NEIL3: variants seen among roughly 807,000 people sequenced by gnomAD.
The protein encoded by NEIL3 is endonuclease 8-like 3.
Under a neutral mutation model 57.5 loss-of-function variants are expected in NEIL3, and 48 were observed. The observed-to-expected ratio is 0.83, with a 90% CI of 0.66 to 1.06. The LOEUF (loss-of-function observed/expected upper bound fraction) is 1.06. Among genes scored for constraint, NEIL3 ranks in the 50% least tolerant of loss-of-function variants. NEIL3 has a pLI of 0.00. For missense variants in NEIL3, 717 were observed against 739.1 expected, an observed-to-expected ratio of 0.97 and a Z score of 0.35; for synonymous variants, 261 against 253.2, an observed-to-expected ratio of 1.03 and a Z score of -0.29.
At position 177,338,857 on chromosome 4, in the gene NEIL3, A is replaced by ATT. The variant is rs34647259; in HGVS notation, c.628-916_628-915dup. 9.0e-3 allele frequency among the ~76,000 whole-genome samples: 1,341 copies of ATT among 148,398 alleles called. 21 individuals are homozygous for ATT. Among genetic ancestry groups the ATT allele is most frequent in the African/African-American group, 0.031 (1,271 of 40,612 alleles). ...TTTCTGTTTTATATTGTTCTTGGTA[A>ATT]TTTTTTTTTTTGAGTCCAGCAAGAC... is the stretch of plus-strand genomic sequence containing the variant. On this transcript the variant is annotated intron_variant, in intron 4 of 9. Transcript: ENST00000264596.
chr4:177,357,767 C>A (rs7682807), intron 8 of NEIL3, among the ~76,000 whole-genome samples: 2 of 151,888 alleles, frequency 1.3e-5, no homozygotes, highest in African/African-American at 4.8e-5. Context: ...TTTGTGATAA[C>A]AAACTTAGAC....
intron 1 of NEIL3, among the ~76,000 whole-genome samples, chr4:177,310,313 T>G (rs1734453793): frequency 6.6e-6 from 1 of 152,246 alleles, no homozygotes; most frequent in East Asian, 1.9e-4. Flanking sequence ...GCTAGCGTTC[T>G]GGGCTCACGC....
chr4:177,354,035 G>T, intron 8 of NEIL3: 3 of 255,090 alleles, frequency 1.2e-5, no homozygotes, highest in South Asian at 1.2e-4. Flanking sequence ...CAAGGTGCTG[G>T]GATTTACAGG....
At position 177,333,299 on chromosome 4, in the gene NEIL3, C is replaced by T. The variant is rs118165747; in HGVS notation, c.279-2389C>T. Among the ~76,000 whole-genome samples the T allele has an allele frequency of 2.6e-3, 394 of 152,166 alleles. 8 individuals are homozygous for T. In the South Asian group the frequency reaches 0.048, roughly 19 times the overall value. On this transcript the variant is annotated intron_variant, in intron 2 of 9. Coordinates refer to ENST00000264596, the MANE Select transcript of NEIL3 (RefSeq NM_018248.3). ...TCTGACAGTGATAGCTTGGAGAATACGGCTGATTCTTAAAACAGGATCAGG... is the reference window on the plus strand; with the variant it reads ...TCTGACAGTGATAGCTTGGAGAATATGGCTGATTCTTAAAACAGGATCAGG...
At chr4:177,365,319 G>A (rs79942901), downstream of NEIL3, among the ~76,000 whole-genome samples, 923 of 152,262 alleles carry the variant, frequency 6.1e-3, 42 homozygotes, top group East Asian at 0.12. Context: ...CCCACCTGGT[G>A]CCCTGAGCTG....
chr4:177,340,333 T>C (rs1735067786), intron 5 of NEIL3, among the ~76,000 whole-genome samples: 1 of 152,228 alleles, frequency 6.6e-6, no homozygotes, highest in East Asian at 1.9e-4. Flanking sequence ...TAATAATGTT[T>C]CTCTGTCTAC....
intron 5 of NEIL3, 90 bp downstream of exon 5, chr4:177,339,947 C>A: frequency 1.3e-6 from 1 of 792,472 alleles, no homozygotes; most frequent in Non-Finnish European, 2.2e-6. Flanking sequence ...CTGTATATAG[C>A]CATCTAGTGG....
chr4:177,355,486 TTGTG>T (rs753886349), intron 8 of NEIL3, among the ~76,000 whole-genome samples: 10 of 152,256 alleles, frequency 6.6e-5, no homozygotes, highest in Non-Finnish European at 1.3e-4. Flanking sequence ...ACTGTATATT[TTGTG>T]TAATTTTTTT....
chr4:177,319,476 C>T (rs781462531), intron 1 of NEIL3, among the ~76,000 whole-genome samples: 1 of 151,952 alleles, frequency 6.6e-6, no homozygotes, highest in Non-Finnish European at 1.5e-5. Flanking sequence ...TTACAGTAGG[C>T]TTTTGGGGGA....
intron 1 of NEIL3, among the ~76,000 whole-genome samples, chr4:177,314,784 A>G (rs1290307506): frequency 6.6e-6 from 1 of 152,152 alleles, no homozygotes; most frequent in Non-Finnish European, 1.5e-5. Flanking sequence ...CTGATTAAAA[A>G]GTGTTGTTGT....
intron 2 of NEIL3, among the ~76,000 whole-genome samples, chr4:177,332,713 A>G (rs951256189): frequency 6.6e-6 from 1 of 152,056 alleles, no homozygotes; most frequent in Non-Finnish European, 1.5e-5. Flanking sequence ...AAACTGTTAC[A>G]CCAGCCCACA....
At chr4:177,313,872 G>T (rs1318562979) in intron 1 of NEIL3, among the ~76,000 whole-genome samples, 8 of 152,174 alleles carry the variant, frequency 5.3e-5, no homozygotes, top group Admixed American at 3.3e-4. Context: ...AGTGATTAAA[G>T]ATTTAGAAAT....
intron 8 of NEIL3, among the ~76,000 whole-genome samples, chr4:177,354,570 A>C (rs1735434782): frequency 6.6e-6 from 1 of 151,960 alleles, no homozygotes; most frequent in South Asian, 2.1e-4. Context: ...TTTTTCTTTG[A>C]GGTGGCGTTT....
At chr4:177,318,575 C>T (rs1014703637) in intron 1 of NEIL3, among the ~76,000 whole-genome samples, 7 of 152,178 alleles carry the variant, frequency 4.6e-5, no homozygotes, top group African/African-American at 1.4e-4. Flanking sequence ...TACTCTTCCT[C>T]TTGTTCTCTG....
At chr4:177,351,758 G>A (rs983551255) in intron 7 of NEIL3, among the ~76,000 whole-genome samples, 1 of 152,120 alleles carries the variant, frequency 6.6e-6, no homozygotes, top group Non-Finnish European at 1.5e-5. Context: ...GCATGTTTGT[G>A]CTATAACAGT....
chr4:177,357,232 T>C (rs1735491156), intron 8 of NEIL3, among the ~76,000 whole-genome samples: 1 of 152,258 alleles, frequency 6.6e-6, no homozygotes, highest in Admixed American at 6.5e-5. Flanking sequence ...ACAGTATTTT[T>C]ATTATAATGA....
In NEIL3 at chr4:177,319,881, G is replaced by C. The variant is rs566849413; in HGVS notation, c.157-2578G>C. Among the ~76,000 whole-genome samples the C allele has an allele frequency of 9.9e-5, 15 of 152,246 alleles. No individual in the cohort carries two copies. In the South Asian group the frequency reaches 3.1e-3, roughly 32 times the overall value. ...ATTTCACAGGGTATGGCTAAAACAA[G>C]TTGCTAGTAAAGAATGTTGGAAAAA... is the stretch of plus-strand genomic sequence containing the variant. On this transcript the variant is annotated intron_variant, in intron 1 of 9. Coordinates refer to ENST00000264596, the MANE Select transcript of NEIL3 (RefSeq NM_018248.3).
At chr4:177,358,530 C>G (rs1375391982) in intron 8 of NEIL3, among the ~76,000 whole-genome samples, 3 of 152,142 alleles carry the variant, frequency 2.0e-5, no homozygotes, top group Non-Finnish European at 4.4e-5. Flanking sequence ...TGGTCTTGAA[C>G]TCTCGACCTC....
Position 177,362,621 on chromosome 4 carries a change from C to A in NEIL3, c.*150C>A. 1.7e-6 allele frequency: 1 copy of A among 572,562 alleles called. No individual in the cohort carries two copies. Among genetic ancestry groups the A allele is most frequent in the Non-Finnish European group, 2.9e-6 (1 of 344,722 alleles). 35.5% of individuals were successfully genotyped at this position (572,562 alleles called of 1,614,324 possible). A position where few individuals can be genotyped will look rare whatever the true frequency, so the allele number is the denominator to read the frequency against. ...TGTTCTTTTTTTTTCTTGTGTGTGC[C>A]ATCTTTCCATTGTTGGCTACGTCTT... On this transcript the variant is annotated 3_prime_UTR_variant, in exon 10 of 10. Coordinates refer to ENST00000264596, the MANE Select transcript of NEIL3 (RefSeq NM_018248.3).
Sources: gnomAD v4.1 joint callset for allele counts (sites outside exome capture counted in the v4.1 genomes callset) on GRCh38, gnomAD v4.1.1 for gene constraint, MANE v1.5 for transcripts, NCBI Gene and HGNC (gene_info 2026-07-23, HGNC 2026-07-21) for gene names.